Variants in TSPAN10 observed in about 807,000 individuals in gnomAD.
TSPAN10 encodes the protein tetraspanin 10.
A neutral mutation model predicts 15.0 loss-of-function variants in TSPAN10; 11 were observed. That is an observed-to-expected ratio of 0.73 (90% CI 0.46 to 1.21). The LOEUF (loss-of-function observed/expected upper bound fraction) is 1.21, where lower values mean the gene tolerates loss of function less well. TSPAN10 is among the 50% of genes most tolerant of loss of function. TSPAN10 has a pLI of 0.00. For missense variants in TSPAN10, 486 were observed against 470.6 expected (o/e 1.03, Z -0.30); for synonymous variants, 241 against 226.2 (o/e 1.07, Z -0.59).
chr17:81,638,019 A>G (rs2036130086), upstream of TSPAN10: 1 of 151,842 alleles, frequency 6.6e-6, no homozygotes, highest in Non-Finnish European at 1.5e-5. Flanking sequence ...AAATGTATAC[A>G]TATTTCACAA....
At chr17:81,637,247 A>G (rs969772186) in exon 1 of TSPAN10, 15 of 500,202 alleles carry the variant, frequency 3.0e-5, no homozygotes, top group African/African-American at 1.2e-4. Context: ...GTTGCGTCTG[A>G]GATTACTTCT....
At chr17:81,637,467 A>G, upstream of TSPAN10, 1 of 675,618 alleles carries the variant, frequency 1.5e-6, no homozygotes, top group South Asian at 1.6e-5. Context: ...TTTTTTAAGT[A>G]TTTTTTAAAT....
At position 81,645,459 on chromosome 17, in the gene TSPAN10, G is replaced by T; in HGVS notation, c.504G>T (p.Gly168=). ...TCCTGGTGCTTGAGGCCGTGGCGGG[G>T]GCCCTGGTGGTGGCCCTCTGGGGCC... is the stretch of plus-strand genomic sequence containing the variant. Residue 168 remains glycine (G), a synonymous_variant, in exon 2 of 3, where the codon GGG becomes GGT. Coordinates refer to ENST00000611590, the Ensembl canonical transcript of TSPAN10. The T allele has an allele frequency of 1.9e-6, 3 of 1,588,354 alleles. No individual in the cohort carries two copies. The Admixed American group carries it at 5.4e-5, about 29-fold the overall frequency.
exon 3 of TSPAN10, chr17:81,647,992 G>A (rs201722214): frequency 6.2e-7 from 1 of 1,611,200 alleles, no homozygotes; most frequent in Admixed American, 1.7e-5. Flanking sequence ...CTCTGTCAAC[G>A]ACCAGTGCGG....
At chr17:81,641,759 A>G (rs1351706298), upstream of TSPAN10, among the ~76,000 whole-genome samples, 6 of 152,084 alleles carry the variant, frequency 3.9e-5, no homozygotes, top group Non-Finnish European at 5.9e-5. Context: ...CTACAAAAAA[A>G]ATTCAAAAAT....
At chr17:81,642,348 C>T (rs749301302), upstream of TSPAN10, 1 of 1,599,828 alleles carries the variant, frequency 6.3e-7, no homozygotes, top group Non-Finnish European at 8.6e-7. Context: ...AGCAGCCCAG[C>T]CACAGAGGAG....
chr17:81,647,700 A>G, intron 2 of TSPAN10: 1 of 650,912 alleles, frequency 1.5e-6, no homozygotes, highest in Non-Finnish European at 2.7e-6. Context: ...ACTGCCGTGC[A>G]CAGGGATACG....
At chr17:81,645,034 A>G in exon 2 of TSPAN10, 1 of 1,595,862 alleles carries the variant, frequency 6.3e-7, no homozygotes, top group African/African-American at 1.3e-5. Context: ...CAGGCCACCC[A>G]CCTCAGGCTG....
At chr17:81,642,571 G>T in intron 1 of TSPAN10, 123 bp downstream of exon 2, 1 of 989,676 alleles carries the variant, frequency 1.0e-6, no homozygotes, top group Non-Finnish European at 1.5e-6. Context: ...ACACCTCAAT[G>T]CTGAGATTGG....
chr17:81,643,924 C>A (rs2036207550), intron 1 of TSPAN10, among the ~76,000 whole-genome samples: 2 of 152,086 alleles, frequency 1.3e-5, no homozygotes, highest in South Asian at 4.1e-4. Flanking sequence ...CATGCAACCT[C>A]CACCTCCTGG....
At chr17:81,648,156 G>A in exon 3 of TSPAN10, 1 of 1,475,432 alleles carries the variant, frequency 6.8e-7, no homozygotes. Context: ...CGGAGCTCCT[G>A]CTGGCCGCCC....
chr17:81,640,700 G>A (rs1050689094), upstream of TSPAN10, among the ~76,000 whole-genome samples: 1 of 151,910 alleles, frequency 6.6e-6, no homozygotes. Flanking sequence ...CACCTGCCTC[G>A]GCCTCCCTAA....
At chr17:81,640,728 G>A (rs574011280), upstream of TSPAN10, among the ~76,000 whole-genome samples, 2 of 152,238 alleles carry the variant, frequency 1.3e-5, no homozygotes, top group South Asian at 4.1e-4. Context: ...AATTACAGGT[G>A]TGAGCTACCG....
upstream of TSPAN10, among the ~76,000 whole-genome samples, chr17:81,641,858 CAA>C (rs1319627290): frequency 2.0e-5 from 3 of 149,016 alleles, no homozygotes; most frequent in East Asian, 4.1e-4. Flanking sequence ...GCCTGGGCAA[CAA>C]GAGCGAAACT....
rs368300947 is a variant in TSPAN10, at chr17:81,645,297, G to T, written c.342G>T (p.Gly114=). 2.4e-5 allele frequency: 37 copies of T among 1,538,184 alleles called. 1 individual carries two copies. The Admixed American group carries it at 7.7e-4, about 32-fold the overall frequency. The change falls in exon 2 of 3, where the codon GGG becomes GGT. Residue 114 remains glycine, a synonymous_variant. Transcript: ENST00000611590. ...GGTCTCTGGGAAGTGATCTGGGGGGGCCCCTGCCCGCAGACCCCATGCTGG... is the reference window on the plus strand; with the variant it reads ...GGTCTCTGGGAAGTGATCTGGGGGGTCCCCTGCCCGCAGACCCCATGCTGG...
upstream of TSPAN10, chr17:81,637,519 C>T (rs2036120214): frequency 3.2e-6 from 2 of 629,756 alleles, no homozygotes; most frequent in Non-Finnish European, 5.8e-6. Flanking sequence ...GCATTTCAGG[C>T]CGGGCGCGGT....
rs1568181613 is a variant in TSPAN10, at chr17:81,648,221, GCGGGGAGGAC to G, written c.998_1007del (p.Gly333AlafsTer?). 1.5e-6 allele frequency: 2 copies of G among 1,291,160 alleles called. No individual in the cohort carries two copies. Among genetic ancestry groups the G allele is most frequent in the African/African-American group, 3.1e-5 (2 of 64,066 alleles). 80.0% of individuals were successfully genotyped at this position (1,291,160 alleles called of 1,614,324 possible). On this transcript the variant is annotated frameshift_variant, in exon 3 of 3. Coordinates refer to ENST00000611590, the Ensembl canonical transcript of TSPAN10. LOFTEE classifies it low-confidence loss of function (END_TRUNC). ...GGGGCGGCGTACGGCCCCGGAGCGC[GCGGGGAGGAC>G]CGCGCTGGCCCCCAGAGCCCCAGCC...
chr17:81,647,677 G>C (rs1476197576), intron 2 of TSPAN10: 5 of 646,018 alleles, frequency 7.7e-6, no homozygotes, highest in African/African-American at 7.2e-5. Context: ...ACCCCTACCT[G>C]CAAGCGCAGA....
upstream of TSPAN10, among the ~76,000 whole-genome samples, chr17:81,639,442 G>A (rs1446365501): frequency 1.3e-5 from 2 of 151,316 alleles, no homozygotes; most frequent in East Asian, 2.0e-4. Flanking sequence ...TCCTGACCTC[G>A]TGATCCACCC....
Sources: allele counts gnomAD v4.1 joint callset (sites outside exome capture counted in the v4.1 genomes callset), GRCh38; gene constraint gnomAD v4.1.1; transcripts MANE v1.5; gene names NCBI Gene and HGNC (gene_info 2026-07-23, HGNC 2026-07-21).